Variants in PIK3C2G observed in about 807,000 individuals in gnomAD.
The protein encoded by PIK3C2G is phosphatidylinositol-4-phosphate 3-kinase catalytic subunit type 2 gamma, also known as phosphatidylinositol 3-kinase C2 domain-containing subunit gamma.
In PIK3C2G, 168 loss-of-function variants were observed where a neutral mutation model predicts 181.1. The ratio of observed to expected loss-of-function variants is 0.93; its 90% confidence interval spans 0.82 to 1.05. PIK3C2G has a LOEUF of 1.05. Among genes scored for constraint, PIK3C2G ranks in the 50% least tolerant of loss-of-function variants. The probability of loss-of-function intolerance (pLI) is 0.00; values close to 1 mark genes in which losing one functional copy is unlikely to be tolerated. For missense variants in PIK3C2G, 1,869 were observed against 1,732.8 expected (o/e 1.08, Z -1.40); for synonymous variants, 573 against 592.2 (o/e 0.97, Z 0.47).
At chr12:18,360,297 A>G (rs1941121331) in intron 11 of PIK3C2G, among the ~76,000 whole-genome samples, 1 of 152,086 alleles carries the variant, frequency 6.6e-6, no homozygotes, top group South Asian at 2.1e-4. Flanking sequence ...ACCACACTTT[A>G]TGTTATTGAT....
intron 18 of PIK3C2G, among the ~76,000 whole-genome samples, chr12:18,465,668 C>T (rs1217848999): frequency 6.6e-6 from 1 of 151,770 alleles, no homozygotes; most frequent in Non-Finnish European, 1.5e-5. Flanking sequence ...ATTCATCATT[C>T]TACTTGTTTC....
chr12:18,517,961 AAGGCCTTTTCTG>A, intron 24 of PIK3C2G, among the ~76,000 whole-genome samples: 1 of 152,330 alleles, frequency 6.6e-6, no homozygotes. Flanking sequence ...AATTTTATCA[AAGGCCTTTTCTG>A]CATCTATTGA....
At chr12:18,725,299 A>T in the PIK3C2G span, among the ~76,000 whole-genome samples, 3 of 152,144 alleles carry the variant, frequency 2.0e-5, no homozygotes, top group Non-Finnish European at 2.9e-5. Flanking sequence ...GGGAGAAGAA[A>T]AGCAATAAGA....
the PIK3C2G span, chr12:18,693,931 G>A: frequency 1.3e-6 from 2 of 1,524,508 alleles, no homozygotes; most frequent in Non-Finnish European, 9.1e-7. Context: ...ACTTGATCAT[G>A]GCTAAAGATG....
Position 18,362,791 on chromosome 12 carries a change from G to T in PIK3C2G, c.1653G>T (p.Trp551Cys). ...ACAAAGCGTTTTCTTTTACCTGTTG[G>T]CTTACATATGCTGGAAAGAAGCTGT... ...HSYKAFSFTC[W>C]LTYAGKKLCQ... is the part of the protein sequence containing the mutation. The change falls in exon 12 of 33, where the codon TGG becomes TGT. Residue 551 changes from tryptophan to cysteine, a missense_variant. Transcript: ENST00000538779. 6.6e-7 allele frequency: 1 copy of T among 1,522,890 alleles called. No individual in the cohort carries two copies. The highest frequency in any genetic ancestry group is 8.8e-7 in the Non-Finnish European group (1 of 1,141,662). The allele number at this position is 1,522,890 out of a possible 1,614,324, so 94.3% of individuals were successfully genotyped here.
chr12:18,486,599 C>T (rs1032099884), intron 18 of PIK3C2G, among the ~76,000 whole-genome samples: 4 of 151,560 alleles, frequency 2.6e-5, no homozygotes, highest in East Asian at 1.9e-4. Context: ...CTTTCTATCA[C>T]GTATGTAGCA....
intron 24 of PIK3C2G, among the ~76,000 whole-genome samples, chr12:18,529,284 C>T (rs1400800701): frequency 6.6e-6 from 1 of 152,114 alleles, no homozygotes; most frequent in South Asian, 2.1e-4. Context: ...ACTTTCTCAT[C>T]ATTGGGCATT....
chr12:18,320,986 T>C lies in PIK3C2G; in HGVS notation c.1162T>C (p.Tyr388His). The change falls in exon 7 of 33, where the codon TAT becomes CAT. Residue 388 changes from tyrosine to histidine, a missense_variant. Tyr to His is a moderately conservative substitution (Grantham distance 83). Transcript: ENST00000538779. ...GCATGAAGAGGACCACAGTCAGTTT[T>C]ATCTGAATCAACTTCTAGAATTTAT... is the stretch of plus-strand genomic sequence containing the variant. The part of the protein sequence containing the change: ...RKHEEDHSQF[Y>H]LNQLLEFMHI... 6.4e-7 allele frequency: 1 copy of C among 1,574,776 alleles called. No individual in the cohort carries two copies.
Position 18,503,291 on chromosome 12 carries a change from G to A in PIK3C2G, c.3027G>A (p.Gln1009=), listed in dbSNP as rs11044142. The A allele has an allele frequency of 0.16, 260,990 of 1,603,170 alleles. 24,080 individuals are homozygous for A. Among genetic ancestry groups the A allele is most frequent in the African/African-American group, 0.33 (24,767 of 74,410 alleles). ...TTTTTTCTCTACCAGGATTGGTGCA[G>A]ATGGTACCTGATGCTGTGACCCTAG... ...LSTGKDQGLV[Q]MVPDAVTLAK... is the part of the protein sequence containing the mutation. The change falls in exon 23 of 33, where the codon CAG becomes CAA. Residue 1009 remains glutamine, a synonymous_variant. Transcript: ENST00000538779.
chr12:18,396,436 T>C (rs888386433), intron 15 of PIK3C2G, among the ~76,000 whole-genome samples: 2 of 151,616 alleles, frequency 1.3e-5, no homozygotes, highest in African/African-American at 4.8e-5. Context: ...GAATGCTTTC[T>C]CCTAAGGTTA....
intron 24 of PIK3C2G, 71 bp downstream of exon 24, chr12:18,505,532 A>G (rs941357239): frequency 5.5e-6 from 6 of 1,096,488 alleles, no homozygotes; most frequent in Non-Finnish European, 6.3e-6. Context: ...GTAATTGCAT[A>G]GAAACCCTGC....
At chr12:18,659,275 A>G in the PIK3C2G span, among the ~76,000 whole-genome samples, 13 of 152,322 alleles carry the variant, frequency 8.5e-5, no homozygotes, top group East Asian at 3.9e-4. Context: ...CAAAGAGATA[A>G]ATACTATCAC....
chr12:18,552,519 T>C lies in PIK3C2G; in HGVS notation c.3590+6087T>C, dbSNP rs948617625. Reference sequence around the variant, plus strand: ...AGAAATAAACACTACCAAGGGGAGATAGGGACACAGAACCAAGAGAAAATA... The same window carrying C: ...AGAAATAAACACTACCAAGGGGAGACAGGGACACAGAACCAAGAGAAAATA... On this transcript the variant is annotated intron_variant, in intron 26 of 32. Transcript: ENST00000538779. 1.1e-4 allele frequency among the ~76,000 whole-genome samples: 17 copies of C among 152,148 alleles called. No individual in the cohort carries two copies. The East Asian group carries it at 1.2e-3, about 10-fold the overall frequency.
At chr12:18,363,702 T>G (rs2137812574) in intron 12 of PIK3C2G, among the ~76,000 whole-genome samples, 1 of 152,236 alleles carries the variant, frequency 6.6e-6, no homozygotes, top group Admixed American at 6.5e-5. Flanking sequence ...GAAGACAGTT[T>G]GACTCCCGGT....
At chr12:18,422,655 G>C (rs1242076027) in intron 17 of PIK3C2G, among the ~76,000 whole-genome samples, 2 of 152,036 alleles carry the variant, frequency 1.3e-5, no homozygotes, top group Non-Finnish European at 2.9e-5. Flanking sequence ...GGGATTTAGG[G>C]GGAAATTGTA....
chr12:18,611,633 C>A (rs1396353257), intron 31 of PIK3C2G, among the ~76,000 whole-genome samples: 1 of 152,028 alleles, frequency 6.6e-6, no homozygotes, highest in Non-Finnish European at 1.5e-5. Flanking sequence ...CGTGACTGCC[C>A]CACTAAACCT....
intron 10 of PIK3C2G, among the ~76,000 whole-genome samples, chr12:18,343,862 T>TAA (rs1229830841): frequency 6.6e-6 from 1 of 152,032 alleles, no homozygotes; most frequent in Non-Finnish European, 1.5e-5. Flanking sequence ...TTCGAGTCTA[T>TAA]AAAATTGCAA....
In PIK3C2G at chr12:18,395,471, G is replaced by A. The variant is rs565320652; in HGVS notation, c.2127-4188G>A. On this transcript the variant is annotated intron_variant, in intron 15 of 32. Coordinates refer to ENST00000538779, the MANE Select transcript of PIK3C2G (RefSeq NM_001288772.2). ...AAGATATTTTCAACCAAATCCAGCT[G>A]AGTTAGTTTAGTATAAGTTCATCCG... Among the ~76,000 whole-genome samples the A allele has an allele frequency of 5.3e-5, 8 of 149,576 alleles. No individual in the cohort carries two copies. In the East Asian group the frequency reaches 1.6e-3, roughly 29 times the overall value.
rs145453324 is a variant in PIK3C2G at position 18,344,538 on chromosome 12, C to T, written c.1429+1178C>T. The stretch of plus-strand genomic sequence containing the variant: ...TCTAAGTGGTCGTATGTGGAGTGAG[C>T]GAGCTGCAGGCGTGTCTGTATGAAA... On this transcript the variant is annotated intron_variant, in intron 10 of 32. Transcript: ENST00000538779. Among the ~76,000 whole-genome samples, 1,011 of 152,096 alleles carry T rather than the reference C, an allele frequency of 6.6e-3. 11 individuals carry two copies. Among genetic ancestry groups the T allele is most frequent in the African/African-American group, 0.023 (974 of 41,498 alleles).
Sources: allele counts gnomAD v4.1 joint callset (sites outside exome capture counted in the v4.1 genomes callset), GRCh38; gene constraint gnomAD v4.1.1; transcripts MANE v1.5; gene names NCBI Gene and HGNC (gene_info 2026-07-23, HGNC 2026-07-21).